Variants in RASEF observed in about 807,000 individuals in gnomAD.
RASEF encodes the protein RAS and EF-hand domain containing, also known as ras and EF-hand domain-containing protein.
In RASEF, 68 loss-of-function variants were observed where a neutral mutation model predicts 90.1. The ratio of observed to expected loss-of-function variants is 0.75; its 90% CI spans 0.62 to 0.92. RASEF has a LOEUF of 0.92. Ranked by LOEUF, RASEF falls within the 40% of genes least tolerant of loss-of-function variation. RASEF has a pLI of 0.00. For synonymous variants in RASEF, 331 were observed against 345.2 expected, an observed-to-expected ratio of 0.96 and a Z score of 0.46; for missense variants, 949 against 937.2, an observed-to-expected ratio of 1.01 and a Z score of -0.16.
chr9:83,167,431 G>C, the RASEF span, among the ~76,000 whole-genome samples: 1 of 151,152 alleles, frequency 6.6e-6, no homozygotes, highest in African/African-American at 2.4e-5. Context: ...AAGCCCATGA[G>C]ATGGAGACAC....
intron 1 of RASEF, among the ~76,000 whole-genome samples, chr9:83,053,509 CTG>C (rs1254970937): frequency 7.5e-6 from 1 of 133,832 alleles, no homozygotes; most frequent in East Asian, 2.3e-4. Context: ...ATTTGCCAGT[CTG>C]TGTCTTTTAA....
the RASEF span, among the ~76,000 whole-genome samples, chr9:83,082,029 A>AAAC: frequency 3.3e-5 from 5 of 152,212 alleles, no homozygotes; most frequent in East Asian, 9.6e-4. Flanking sequence ...TTACCAGGAA[A>AAAC]TGTAGCCTAG....
At chr9:83,089,945 G>T in the RASEF span, among the ~76,000 whole-genome samples, 586 of 138,842 alleles carry the variant, frequency 4.2e-3, no homozygotes, top group African/African-American at 0.015. Context: ...TAGATAGATA[G>T]ATATAGATAT....
At chr9:83,195,957 G>A in the RASEF span, among the ~76,000 whole-genome samples, 2 of 152,104 alleles carry the variant, frequency 1.3e-5, no homozygotes, top group Non-Finnish European at 2.9e-5. Context: ...AGCCCAGCTG[G>A]GCGGCTCCTG....
At position 82,985,561 on chromosome 9, in the gene RASEF, C is replaced by T. The variant is rs932771897; in HGVS notation, c.2118-2779G>A. Among the ~76,000 whole-genome samples, 6 of 152,240 alleles carry T rather than the reference C, an allele frequency of 3.9e-5. No individual in the cohort carries two copies. In the South Asian group the frequency reaches 8.3e-4, roughly 21 times the overall value. On this transcript the variant is annotated intron_variant, in intron 16 of 16. Transcript: ENST00000376447. ...GGGACTCTGTGTTTTCAGTAAGACA[C>T]CAATGTGGGGTTGGACGCAAGAAAG...
chr9:83,112,869 A>T, the RASEF span, among the ~76,000 whole-genome samples: 202 of 152,292 alleles, frequency 1.3e-3, no homozygotes, highest in Non-Finnish European at 2.4e-3. Context: ...AGAAAAGACA[A>T]TGGAGATACA....
intron 1 of RASEF, among the ~76,000 whole-genome samples, chr9:83,037,117 C>T (rs1207534089): frequency 6.6e-6 from 1 of 152,160 alleles, no homozygotes; most frequent in African/African-American, 2.4e-5. Flanking sequence ...TACTTACATA[C>T]CACCTGTGAA....
At chr9:83,160,087 T>A in the RASEF span, among the ~76,000 whole-genome samples, 1 of 152,222 alleles carries the variant, frequency 6.6e-6, no homozygotes, top group African/African-American at 2.4e-5. Context: ...TGGATATGTC[T>A]TTATCAGTAG....
intron 6 of RASEF, 151 bp from the exon 7 acceptor site, chr9:83,007,656 C>A: frequency 1.6e-6 from 1 of 636,404 alleles, no homozygotes; most frequent in Non-Finnish European, 2.8e-6. Flanking sequence ...CTCTGGGCCT[C>A]TGTGGCCTCA....
chr9:83,016,748 C>T (rs951261910), intron 3 of RASEF, among the ~76,000 whole-genome samples: 2 of 152,082 alleles, frequency 1.3e-5, no homozygotes, highest in African/African-American at 4.8e-5. Flanking sequence ...GACAGGAAGT[C>T]AGTCTGCTAG....
intron 7 of RASEF, among the ~76,000 whole-genome samples, 182 bp from the exon 8 acceptor site, chr9:83,005,682 A>T (rs1238590328): frequency 6.6e-6 from 1 of 152,210 alleles, no homozygotes; most frequent in Non-Finnish European, 1.5e-5. Flanking sequence ...AAGTACAAGA[A>T]CTAAATTGAT....
chr9:83,064,829 G>A (rs1239157053), upstream of RASEF, among the ~76,000 whole-genome samples: 1 of 152,182 alleles, frequency 6.6e-6, no homozygotes, highest in Non-Finnish European at 1.5e-5. Flanking sequence ...CACTTTGGGA[G>A]GCTGAGGTGG....
chr9:83,077,880 C>T, the RASEF span, among the ~76,000 whole-genome samples: 4 of 152,198 alleles, frequency 2.6e-5, no homozygotes, highest in African/African-American at 7.2e-5. Flanking sequence ...CAAGGGAAGA[C>T]GGTGGGGAGA....
the RASEF span, among the ~76,000 whole-genome samples, chr9:83,121,852 A>T: frequency 6.6e-6 from 1 of 152,182 alleles, no homozygotes; most frequent in African/African-American, 2.4e-5. Flanking sequence ...AAATCCCATT[A>T]TCTAGGTTCC....
chr9:83,183,730 C>T, the RASEF span, among the ~76,000 whole-genome samples: 4 of 152,270 alleles, frequency 2.6e-5, no homozygotes, highest in African/African-American at 9.6e-5. Context: ...AGAAAACATT[C>T]TCATTTTATT....
the RASEF span, among the ~76,000 whole-genome samples, chr9:83,144,586 AGGACTGGTGGTGGGTATCTG>A: frequency 1.3e-5 from 2 of 152,076 alleles, no homozygotes; most frequent in African/African-American, 4.8e-5. Context: ...AAGCAGAGAT[AGGACTGGTGGTGGGTATCTG>A]GAACAAATGT....
the RASEF span, among the ~76,000 whole-genome samples, chr9:83,204,858 ATTG>A: frequency 6.6e-6 from 1 of 152,254 alleles, no homozygotes. Context: ...AAATAGCCAT[ATTG>A]TTAATACTAG....
At chr9:83,010,388 A>G (rs1339649953) in intron 5 of RASEF, among the ~76,000 whole-genome samples, 1 of 152,212 alleles carries the variant, frequency 6.6e-6, no homozygotes, top group African/African-American at 2.4e-5. Context: ...AGCAGCCCAG[A>G]GCATTCAAGT....
chr9:83,171,513 C>A, the RASEF span, among the ~76,000 whole-genome samples: 1 of 151,702 alleles, frequency 6.6e-6, no homozygotes, highest in African/African-American at 2.4e-5. Flanking sequence ...GGCATTAGTT[C>A]TTCTTGAAAT....
Sources: gnomAD v4.1 joint callset for allele counts (sites outside exome capture counted in the v4.1 genomes callset) on GRCh38, gnomAD v4.1.1 for gene constraint, MANE v1.5 for transcripts, NCBI Gene and HGNC (gene_info 2026-07-23, HGNC 2026-07-21) for gene names.